The following NRG3 variants were observed in gnomAD, a reference collection of about 807,000 sequenced individuals.
NRG3 encodes neuregulin 3.
In NRG3, 31 loss-of-function variants were observed where a neutral mutation model predicts 66.9. The ratio of observed to expected loss-of-function variants is 0.46; its 90% CI spans 0.35 to 0.63. The LOEUF (loss-of-function observed/expected upper bound fraction) is 0.63. Ranked by LOEUF, NRG3 falls within the 20% of genes least tolerant of loss-of-function variation. The probability of loss-of-function intolerance (pLI) is 0.00; values close to 1 mark genes in which losing one functional copy is unlikely to be tolerated. For missense variants in NRG3, 910 were observed against 878.9 expected (o/e 1.04, Z -0.45); for synonymous variants, 393 against 359.4 (o/e 1.09, Z -1.06).
chr10:82,589,889 G>A (rs1426135164), intron 2 of NRG3, among the ~76,000 whole-genome samples: 3 of 152,124 alleles, frequency 2.0e-5, no homozygotes, highest in Non-Finnish European at 2.9e-5. Flanking sequence ...TCAAATATCT[G>A]TTCTGCAACT....
At chr10:82,727,122 G>A (rs370412103) in intron 2 of NRG3, among the ~76,000 whole-genome samples, 1 of 152,148 alleles carries the variant, frequency 6.6e-6, no homozygotes, top group African/African-American at 2.4e-5. Context: ...GGGAAGCAGA[G>A]CATAAAAGTT....
chr10:82,584,471 T>C (rs2046548739), intron 2 of NRG3, among the ~76,000 whole-genome samples: 1 of 152,230 alleles, frequency 6.6e-6, no homozygotes, highest in African/African-American at 2.4e-5. Context: ...AACGCTAAAT[T>C]CTTATCTAGG....
intron 4 of NRG3, among the ~76,000 whole-genome samples, chr10:82,870,942 A>C (rs1591788769): frequency 6.6e-6 from 1 of 152,204 alleles, no homozygotes; most frequent in East Asian, 1.9e-4. Context: ...CAGATTATAA[A>C]ATCTTCCTTT....
At chr10:82,278,754 T>C (rs1232982030) in intron 1 of NRG3, among the ~76,000 whole-genome samples, 1 of 152,180 alleles carries the variant, frequency 6.6e-6, no homozygotes, top group Non-Finnish European at 1.5e-5. Context: ...TTCATGGCTC[T>C]GTATTCTATA....
At chr10:82,793,169 T>C (rs2060659748) in intron 3 of NRG3, among the ~76,000 whole-genome samples, 1 of 152,164 alleles carries the variant, frequency 6.6e-6, no homozygotes, top group South Asian at 2.1e-4. Flanking sequence ...GTAATTCTTC[T>C]GTGTATTGTT....
At chr10:82,711,206 G>A (rs940847569) in intron 2 of NRG3, among the ~76,000 whole-genome samples, 3 of 152,144 alleles carry the variant, frequency 2.0e-5, no homozygotes, top group African/African-American at 7.2e-5. Flanking sequence ...AGCCTCCTGA[G>A]TAGCTAGGAC....
intron 2 of NRG3, among the ~76,000 whole-genome samples, chr10:82,507,002 G>A (rs891248084): frequency 2.6e-5 from 4 of 152,178 alleles, no homozygotes; most frequent in Non-Finnish European, 4.4e-5. Context: ...GGTAAGATAT[G>A]CTGTAAGGAC....
intron 2 of NRG3, among the ~76,000 whole-genome samples, chr10:82,401,765 GC>G (rs1177824124): frequency 1.3e-5 from 2 of 151,926 alleles, no homozygotes; most frequent in African/African-American, 4.8e-5. Context: ...GAATTAAATT[GC>G]TTTTGATATT....
At chr10:82,131,894 A>G (rs1339448943) in intron 1 of NRG3, among the ~76,000 whole-genome samples, 1 of 151,988 alleles carries the variant, frequency 6.6e-6, no homozygotes, top group Non-Finnish European at 1.5e-5. Flanking sequence ...ATGTTTTCCA[A>G]CTTTGCTCAG....
At chr10:82,851,355 C>T (rs189745330) in intron 3 of NRG3, among the ~76,000 whole-genome samples, 2 of 152,158 alleles carry the variant, frequency 1.3e-5, no homozygotes, top group Admixed American at 1.3e-4. Flanking sequence ...ATTGACGATC[C>T]TTGTCTTATT....
chr10:82,479,664 C>CAAAAAAAA (rs35572219), intron 2 of NRG3, among the ~76,000 whole-genome samples: 1 of 59,414 alleles, frequency 1.7e-5, no homozygotes, highest in African/African-American at 7.0e-5. Flanking sequence ...AACTCTGTCT[C>CAAAAAAAA]AAAAAAAAAA....
At chr10:82,264,620 C>G (rs2078206789) in intron 1 of NRG3, among the ~76,000 whole-genome samples, 1 of 152,114 alleles carries the variant, frequency 6.6e-6, no homozygotes, top group African/African-American at 2.4e-5. Context: ...AACTTTGAGG[C>G]ACATCATCTT....
At position 82,001,457 on chromosome 10, in the gene NRG3, T is replaced by G. The variant is rs574775474; in HGVS notation, c.823+125294T>G. Among the ~76,000 whole-genome samples the G allele has an allele frequency of 1.1e-4, 16 of 151,876 alleles. No homozygotes were observed. In the South Asian group the frequency reaches 3.3e-3, roughly 32 times the overall value. Reference sequence around the variant, plus strand: ...GGCAGAGGCTGCAGTGAGCTGAGATTGTGCCATTGCACTCCAGCCTGGGCG... The same window carrying G: ...GGCAGAGGCTGCAGTGAGCTGAGATGGTGCCATTGCACTCCAGCCTGGGCG... On this transcript the variant is annotated intron_variant, in intron 1 of 8. Coordinates refer to ENST00000372141, the MANE Select transcript of NRG3 (RefSeq NM_001010848.4).
intron 1 of NRG3, among the ~76,000 whole-genome samples, chr10:82,314,877 T>TCTGTCCCAGGTC (rs1174495468): frequency 6.6e-6 from 1 of 152,134 alleles, no homozygotes; most frequent in Admixed American, 6.6e-5. Context: ...TGCCCCAGGT[T>TCTGTCCCAGGTC]CTGTCCCAGG....
chr10:82,704,612 G>A (rs1329890467), intron 2 of NRG3, among the ~76,000 whole-genome samples: 1 of 152,070 alleles, frequency 6.6e-6, no homozygotes, highest in East Asian at 1.9e-4. Flanking sequence ...TTTATGTCAT[G>A]ACACTCCCGG....
At chr10:82,347,446 C>T (rs376661922) in intron 1 of NRG3, among the ~76,000 whole-genome samples, 6 of 151,784 alleles carry the variant, frequency 4.0e-5, no homozygotes, top group Admixed American at 6.6e-5. Context: ...TTGTTATAAT[C>T]TCTGTTCTTT....
At chr10:82,704,204 A>G (rs2056116741) in intron 2 of NRG3, among the ~76,000 whole-genome samples, 1 of 152,028 alleles carries the variant, frequency 6.6e-6, no homozygotes, top group South Asian at 2.1e-4. Flanking sequence ...TTCCTTTCAG[A>G]TAGGTTTCAT....
At chr10:82,782,920 G>C (rs1397589320) in intron 3 of NRG3, among the ~76,000 whole-genome samples, 1 of 152,264 alleles carries the variant, frequency 6.6e-6, no homozygotes, top group South Asian at 2.1e-4. Context: ...GAGAATTTTA[G>C]ACCAATATCC....
At chr10:82,929,768 A>T (rs562378176) in intron 4 of NRG3, among the ~76,000 whole-genome samples, 1 of 150,972 alleles carries the variant, frequency 6.6e-6, no homozygotes, top group South Asian at 2.1e-4. Flanking sequence ...AATCACAGCT[A>T]TGGTGGCTGA....
Sources: allele counts gnomAD v4.1 joint callset (sites outside exome capture counted in the v4.1 genomes callset), GRCh38; gene constraint gnomAD v4.1.1; transcripts MANE v1.5; gene names NCBI Gene and HGNC (gene_info 2026-07-23, HGNC 2026-07-21).